BCAS4: variants seen among roughly 807,000 people sequenced by gnomAD.
The protein encoded by BCAS4 is breast carcinoma-amplified sequence 4.
BCAS4 carries 9 observed loss-of-function variants against 15.7 expected under a neutral mutation model. That is an observed-to-expected ratio of 0.57 (90% confidence interval 0.34 to 1.00). BCAS4 has a LOEUF of 1.00. Among genes scored for constraint, BCAS4 ranks in the 50% least tolerant of loss-of-function variants. BCAS4 has a pLI of 0.02. For synonymous variants in BCAS4, 101 were observed against 99.5 expected (o/e 1.02, Z -0.09); for missense variants, 225 against 239.1 (o/e 0.94, Z 0.39).
intron 1 of BCAS4, among the ~76,000 whole-genome samples, chr20:50,801,761 G>A (rs1422368924): frequency 6.6e-6 from 1 of 152,310 alleles, no homozygotes; most frequent in South Asian, 2.1e-4. Flanking sequence ...GCAGACTAGT[G>A]ACAAACAGAG....
downstream of BCAS4, chr20:50,878,521 A>G (rs1352845989): frequency 6.7e-6 from 1 of 148,888 alleles, no homozygotes; most frequent in Non-Finnish European, 1.5e-5. Context: ...TTTAAATGAG[A>G]CACCTGTCAC....
chr20:50,855,903 G>A (rs1227885690), intron 4 of BCAS4, among the ~76,000 whole-genome samples: 5 of 152,214 alleles, frequency 3.3e-5, no homozygotes, highest in Admixed American at 6.5e-5. Context: ...AACTATCAGC[G>A]GATAATAACA....
intron 4 of BCAS4, among the ~76,000 whole-genome samples, chr20:50,842,751 G>T (rs1247667381): frequency 6.6e-6 from 1 of 152,062 alleles, no homozygotes; most frequent in Non-Finnish European, 1.5e-5. Context: ...GAAGACGGAG[G>T]CTCGGGGAAG....
intron 2 of BCAS4, among the ~76,000 whole-genome samples, chr20:50,818,553 G>A (rs1407393653): frequency 1.3e-5 from 2 of 152,224 alleles, no homozygotes; most frequent in Non-Finnish European, 2.9e-5. Flanking sequence ...GGAGCCAGGA[G>A]TGGACCACAA....
chr20:50,795,564 G>A (rs920474297), intron 1 of BCAS4, among the ~76,000 whole-genome samples: 3 of 152,232 alleles, frequency 2.0e-5, no homozygotes, highest in African/African-American at 7.2e-5. Flanking sequence ...GCCGCGCTGC[G>A]CTGCTGCAGC....
At chr20:50,849,076 C>T (rs1171997433) in intron 4 of BCAS4, among the ~76,000 whole-genome samples, 2 of 152,248 alleles carry the variant, frequency 1.3e-5, no homozygotes, top group African/African-American at 2.4e-5. Context: ...TCCCCTTGGC[C>T]GGGCCAGCTT....
At chr20:50,868,164 A>G (rs1288742591) in intron 4 of BCAS4, among the ~76,000 whole-genome samples, 3 of 152,176 alleles carry the variant, frequency 2.0e-5, no homozygotes, top group Non-Finnish European at 4.4e-5. Context: ...GATACTCAAC[A>G]TGGCTCAGCA....
At chr20:50,858,939 A>ATTG (rs201207952) in intron 4 of BCAS4, among the ~76,000 whole-genome samples, 11,877 of 148,506 alleles carry the variant, frequency 0.08, 523 homozygotes, top group South Asian at 0.099. Context: ...TATTATTATT[A>ATTG]TTATTATTGT....
At chr20:50,855,980 TGC>T (rs1264024378) in intron 4 of BCAS4, among the ~76,000 whole-genome samples, 1 of 152,186 alleles carries the variant, frequency 6.6e-6, no homozygotes, top group African/African-American at 2.4e-5. Flanking sequence ...CAAGGGAAGC[TGC>T]AGAGGACAGG....
At chr20:50,829,895 T>C (rs6020778) in intron 2 of BCAS4, among the ~76,000 whole-genome samples, 7,955 of 152,218 alleles carry the variant, frequency 0.052, 235 homozygotes, top group African/African-American at 0.073. Context: ...ATGATCAACT[T>C]GTTAATATTA....
intron 1 of BCAS4, among the ~76,000 whole-genome samples, chr20:50,797,829 C>T (rs906818241): frequency 2.6e-5 from 4 of 151,970 alleles, no homozygotes; most frequent in Non-Finnish European, 5.9e-5. Context: ...CCACGCCCAG[C>T]GAATTTTGTA....
chr20:50,876,369 C>G, intron 4 of BCAS4, 117 bp from the exon 5 acceptor site: 2 of 1,400,996 alleles, frequency 1.4e-6, no homozygotes, highest in East Asian at 4.7e-5. Flanking sequence ...CAGAGGAGCT[C>G]AGAGTCTTTG....
chr20:50,807,994 G>T (rs890073826), intron 1 of BCAS4, among the ~76,000 whole-genome samples: 3 of 145,980 alleles, frequency 2.1e-5, no homozygotes, highest in Non-Finnish European at 3.0e-5. Flanking sequence ...TGCAGGCTCC[G>T]CCTCCTGGGT....
intron 2 of BCAS4, among the ~76,000 whole-genome samples, chr20:50,821,922 T>C (rs1410308279): frequency 6.6e-6 from 1 of 152,210 alleles, no homozygotes; most frequent in Non-Finnish European, 1.5e-5. Flanking sequence ...CATGGACATG[T>C]CACGTTACCT....
chr20:50,802,740 G>C (rs1469464965), intron 1 of BCAS4, among the ~76,000 whole-genome samples: 4 of 152,174 alleles, frequency 2.6e-5, no homozygotes, highest in African/African-American at 2.4e-5. Context: ...TGGGCATGGT[G>C]GTGGGCACCT....
intron 1 of BCAS4, among the ~76,000 whole-genome samples, chr20:50,817,412 C>T (rs151251064): frequency 0.011 from 1,726 of 152,284 alleles, 25 homozygotes; most frequent in African/African-American, 0.033. Context: ...ATAAGCACAT[C>T]TCTTAACTAT....
chr20:50,801,992 G>T (rs1245961771), intron 1 of BCAS4, among the ~76,000 whole-genome samples: 1 of 151,946 alleles, frequency 6.6e-6, no homozygotes, highest in Non-Finnish European at 1.5e-5. Context: ...GTCCCCAGGG[G>T]GGGAGTCTGA....
chr20:50,796,452 C>CATATATATATAT (rs1245993218), intron 1 of BCAS4, among the ~76,000 whole-genome samples: 1 of 21,156 alleles, frequency 4.7e-5, no homozygotes, highest in African/African-American at 2.0e-4. Flanking sequence ...TCTTTTTCTC[C>CATATATATATAT]ATATATATAT....
chr20:50,811,661 C>T (rs749770059), intron 1 of BCAS4, among the ~76,000 whole-genome samples: 6 of 152,168 alleles, frequency 3.9e-5, no homozygotes, highest in Non-Finnish European at 7.3e-5. Flanking sequence ...CTCGTTCTCT[C>T]GCCGAGGCTG....
Sources: gnomAD v4.1 joint callset for allele counts (sites outside exome capture counted in the v4.1 genomes callset) on GRCh38, gnomAD v4.1.1 for gene constraint, MANE v1.5 for transcripts, NCBI Gene and HGNC (gene_info 2026-07-23, HGNC 2026-07-21) for gene names.